GRIN2A: variants seen among roughly 807,000 people sequenced by gnomAD.
The protein encoded by GRIN2A is glutamate receptor ionotropic, NMDA 2A.
A neutral mutation model predicts 113.4 loss-of-function variants in GRIN2A; 22 were observed. That is an observed-to-expected ratio of 0.19 (90% CI 0.14 to 0.28). The LOEUF (loss-of-function observed/expected upper bound fraction) is 0.28, where lower values mean the gene tolerates loss of function less well. GRIN2A is among the 10% of genes least tolerant of loss of function. The pLI is 1.00. For missense variants in GRIN2A, 1,502 were observed against 1,887.0 expected (o/e 0.80, Z 3.78); for synonymous variants, 827 against 738.4 (o/e 1.12, Z -1.94).
At chr16:10,083,193 A>C (rs1437029612) in intron 2 of GRIN2A, among the ~76,000 whole-genome samples, 1 of 152,264 alleles carries the variant, frequency 6.6e-6, no homozygotes, top group East Asian at 1.9e-4. Context: ...AAGCTACAGT[A>C]GAGACAATGC....
intron 4 of GRIN2A, among the ~76,000 whole-genome samples, chr16:9,878,223 C>A (rs2043410000): frequency 6.6e-6 from 1 of 152,110 alleles, no homozygotes; most frequent in Non-Finnish European, 1.5e-5. Flanking sequence ...TTCCATATGA[C>A]CGAATGTTTG....
At chr16:10,049,160 A>G (rs117167525) in intron 2 of GRIN2A, among the ~76,000 whole-genome samples, 1,922 of 152,328 alleles carry the variant, frequency 0.013, 20 homozygotes, top group Non-Finnish European at 0.018. Flanking sequence ...GTGAATTTCA[A>G]TGAATGATAC....
At chr16:9,886,715 C>T (rs886510237) in intron 4 of GRIN2A, among the ~76,000 whole-genome samples, 4 of 152,058 alleles carry the variant, frequency 2.6e-5, no homozygotes, top group Admixed American at 2.0e-4. Context: ...AATGAATAGA[C>T]GAACCATGAA....
At chr16:9,979,785 C>CTA (rs71157796) in intron 2 of GRIN2A, among the ~76,000 whole-genome samples, 8,325 of 122,162 alleles carry the variant, frequency 0.068, 431 homozygotes, top group African/African-American at 0.073. Context: ...GACTATGGGA[C>CTA]TATATATATA....
chr16:9,991,435 C>G (rs1402596229), intron 2 of GRIN2A, among the ~76,000 whole-genome samples: 1 of 152,156 alleles, frequency 6.6e-6, no homozygotes, highest in Non-Finnish European at 1.5e-5. Flanking sequence ...AGGGATACAA[C>G]TGCATTTTTG....
chr16:9,871,786 T>A (rs1837765851), intron 4 of GRIN2A, among the ~76,000 whole-genome samples: 1 of 151,942 alleles, frequency 6.6e-6, no homozygotes, highest in Admixed American at 6.6e-5. Flanking sequence ...ATTAGGCACT[T>A]TTTTTTTGGA....
At position 9,758,259 on chromosome 16, in the gene GRIN2A, G is replaced by A. The variant is rs1237859698; in HGVS notation, c.*4890C>T. 1.8e-5 allele frequency: 4 copies of A among 222,682 alleles called. No homozygotes were observed. The highest frequency in any genetic ancestry group is 9.0e-5 in the African/African-American group (4 of 44,684). The allele number at this position is 222,682 out of a possible 1,614,324, so 13.8% of individuals were successfully genotyped here. ...GGAAAGAGGATAAGGAATTTAAATA[G>A]GAAATCTATGCCCTTTGATGTGTTT... On this transcript the variant is annotated 3_prime_UTR_variant, in exon 13 of 13. Coordinates refer to ENST00000330684, the MANE Select transcript of GRIN2A (RefSeq NM_001134407.3).
At chr16:10,133,597 G>C (rs1188211307) in intron 2 of GRIN2A, among the ~76,000 whole-genome samples, 1 of 152,066 alleles carries the variant, frequency 6.6e-6, no homozygotes, top group African/African-American at 2.4e-5. Context: ...GACAGAGTGA[G>C]ATTCAGTCTC....
chr16:10,134,138 G>A lies in GRIN2A; in HGVS notation c.414+45860C>T, dbSNP rs372667495. 6.0e-5 allele frequency among the ~76,000 whole-genome samples: 9 copies of A among 149,190 alleles called. No homozygotes were observed. In the East Asian group the frequency reaches 1.6e-3, roughly 27 times the overall value. On this transcript the variant is annotated intron_variant, in intron 2 of 12. Transcript: ENST00000330684. ...TTGAGACCAGGAAGTCGAAGGTGCAGTGAGTGATCACATCACCACACTCCA... is the reference window on the plus strand; with the variant it reads ...TTGAGACCAGGAAGTCGAAGGTGCAATGAGTGATCACATCACCACACTCCA...
At chr16:10,147,257 T>A (rs1053408430) in intron 2 of GRIN2A, among the ~76,000 whole-genome samples, 1 of 151,940 alleles carries the variant, frequency 6.6e-6, no homozygotes, top group Non-Finnish European at 1.5e-5. Flanking sequence ...GTCTGGCCCA[T>A]AACGTCACGT....
chr16:9,988,751 GC>G (rs1567219667), intron 2 of GRIN2A, among the ~76,000 whole-genome samples: 1 of 152,106 alleles, frequency 6.6e-6, no homozygotes, highest in African/African-American at 2.4e-5. Flanking sequence ...TTAGAACCAA[GC>G]CAAGATATGA....
At position 9,763,329 on chromosome 16, in the gene GRIN2A, C is replaced by G. The variant is rs1417994203; in HGVS notation, c.4215G>C (p.Leu1405Phe). Residue 1405 changes from leucine to phenylalanine, a missense_variant, in exon 13 of 13, where the codon TTG (leucine) becomes TTC (phenylalanine). Leu to Phe is a conservative substitution (Grantham distance 22, BLOSUM62 0). Around this residue, in one of 7 missense-constraint regions of GRIN2A, gnomAD observed 832 missense variants for 789.7 expected, o/e 1.05. Coordinates refer to ENST00000330684, the MANE Select transcript of GRIN2A (RefSeq NM_001134407.3). ...AVNDSYLRSSLRSTASYCSRD... is the reference protein window; with the variant it reads ...AVNDSYLRSSFRSTASYCSRD... ...TGGAACAGTACGATGCCGTTGACCT[C>G]AAGGACGACCGAAGATAGCTGTCAT... 1 of 1,614,182 alleles carries G rather than the reference C, an allele frequency of 6.2e-7. No homozygotes were observed. The highest frequency in any genetic ancestry group is 8.5e-7 in the Non-Finnish European group (1 of 1,180,040).
At position 9,760,562 on chromosome 16, in the gene GRIN2A, C is replaced by T. The variant is rs1280723978; in HGVS notation, c.*2587G>A. The T allele has an allele frequency of 9.2e-6, 2 of 218,526 alleles. No homozygotes were observed. The highest frequency in any genetic ancestry group is 1.8e-5 in the Non-Finnish European group (2 of 109,002). The allele number at this position is 218,526 out of a possible 1,614,324, so 13.5% of individuals were successfully genotyped here. ...TTACTGTTGATTCTTCCAAAGGCCA[C>T]GTTTTCAGTTTCTTTATCCAGAGAT... On this transcript the variant is annotated 3_prime_UTR_variant, in exon 13 of 13. Coordinates refer to ENST00000330684, the MANE Select transcript of GRIN2A (RefSeq NM_001134407.3).
chr16:10,161,512 C>G (rs1277777540), intron 2 of GRIN2A, among the ~76,000 whole-genome samples: 1 of 152,136 alleles, frequency 6.6e-6, no homozygotes, highest in African/African-American at 2.4e-5. Flanking sequence ...AGGTAGGAAC[C>G]AAAATCTGCA....
rs778404336 is a variant in GRIN2A at position 9,764,680 on chromosome 16, A to T, written c.2864T>A (p.Ile955Asn). Reference protein sequence around the residue: ...DNRSFQGKESIFGDNMNELQT... With the variant: ...DNRSFQGKESNFGDNMNELQT... ...GAGTTCGTTCATGTTGTCTCCAAAA[A>T]TGCTCTCTTTCCCCTGAAAGGACCT... Residue 955 changes from isoleucine (I) to asparagine (N), a missense_variant, in exon 13 of 13, where the codon ATT becomes AAT. By Grantham distance (149) the Ile-to-Asn change is moderately radical. This residue lies in a region of GRIN2A where 832 missense variants were observed against 789.7 expected (regional missense o/e 1.05). Coordinates refer to ENST00000330684, the MANE Select transcript of GRIN2A (RefSeq NM_001134407.3). 3 of 1,614,082 alleles carry T rather than the reference A, an allele frequency of 1.9e-6. No homozygotes were observed. The highest frequency in any genetic ancestry group is 2.5e-6 in the Non-Finnish European group (3 of 1,180,028).
intron 2 of GRIN2A, among the ~76,000 whole-genome samples, chr16:10,020,127 A>T (rs1417324636): frequency 6.6e-6 from 1 of 152,230 alleles, no homozygotes; most frequent in Non-Finnish European, 1.5e-5. Context: ...AGAAATGAAA[A>T]GATGGGCCAG....
intron 3 of GRIN2A, among the ~76,000 whole-genome samples, chr16:9,935,150 G>A (rs1300000914): frequency 2.0e-5 from 3 of 152,114 alleles, no homozygotes. Flanking sequence ...TCCTGTATAT[G>A]TTATATTTCA....
At chr16:9,855,050 C>T (rs964273164) in intron 4 of GRIN2A, among the ~76,000 whole-genome samples, 1 of 151,540 alleles carries the variant, frequency 6.6e-6, no homozygotes, top group African/African-American at 2.4e-5. Context: ...CATGTATATG[C>T]ACATATGGAT....
intron 10 of GRIN2A, among the ~76,000 whole-genome samples, chr16:9,802,346 A>T (rs1903413902): frequency 4.6e-5 from 7 of 152,226 alleles, no homozygotes; most frequent in Admixed American, 4.6e-4. Flanking sequence ...ACCATGGAAT[A>T]CTATGCAGCC....
Sources: allele counts gnomAD v4.1 joint callset (sites outside exome capture counted in the v4.1 genomes callset), GRCh38; gene constraint gnomAD v4.1.1; regional missense constraint gnomAD v4.1.1; transcripts MANE v1.5; gene names NCBI Gene and HGNC (gene_info 2026-07-23, HGNC 2026-07-21).